The following EPB41L2 variants were observed in gnomAD, a reference collection of about 807,000 sequenced individuals.
EPB41L2 encodes erythrocyte membrane protein band 4.1 like 2, also known as band 4.1-like protein 2.
In EPB41L2, 43 loss-of-function variants were observed where a neutral mutation model predicts 113.0. The ratio of observed to expected loss-of-function variants is 0.38; its 90% CI spans 0.30 to 0.49. The LOEUF (loss-of-function observed/expected upper bound fraction) is 0.49, where lower values mean the gene tolerates loss of function less well. Among genes scored for constraint, EPB41L2 ranks in the 20% least tolerant of loss-of-function variants. EPB41L2 has a pLI of 0.95. For synonymous variants in EPB41L2, 442 were observed against 436.7 expected (o/e 1.01, Z -0.15); for missense variants, 1,147 against 1,223.4 (o/e 0.94, Z 0.93).
intron 3 of EPB41L2, among the ~76,000 whole-genome samples, chr6:130,951,017 T>TAAACCTAAATAATC (rs1391057327): frequency 4.6e-5 from 7 of 152,084 alleles, no homozygotes; most frequent in African/African-American, 1.7e-4. Context: ...AGTGATCATA[T>TAAACCTAAATAATC]AAACCTAAAT....
chr6:130,929,941 C>G (rs556706269), intron 3 of EPB41L2, among the ~76,000 whole-genome samples: 5 of 149,040 alleles, frequency 3.4e-5, no homozygotes, highest in Non-Finnish European at 5.9e-5. Flanking sequence ...GGAAAGACAG[C>G]GAGAAGGCAA....
chr6:130,955,305 C>T lies in EPB41L2; in HGVS notation c.505G>A (p.Val169Ile). The stretch of plus-strand genomic sequence containing the variant: ...ACCTTCTCTTCTCTCTCCTTACTTA[C>T]TAATTCAGTAGGCTGTTGAGGAAAA... ...SKVEMQPTELVSKEREEKVKE... is the reference protein window; with the variant it reads ...SKVEMQPTELISKEREEKVKE... Residue 169 changes from valine to isoleucine, a missense_variant, in exon 3 of 20, where the codon GTA (valine) becomes ATA (isoleucine). Coordinates refer to ENST00000337057, the MANE Select transcript of EPB41L2 (RefSeq NM_001431.4). 6.2e-7 allele frequency: 1 copy of T among 1,605,558 alleles called. No homozygotes were observed. The highest frequency in any genetic ancestry group is 1.1e-5 in the South Asian group (1 of 90,562).
intron 1 of EPB41L2, among the ~76,000 whole-genome samples, chr6:131,011,700 C>G (rs1787021662): frequency 6.6e-6 from 1 of 152,134 alleles, no homozygotes; most frequent in Non-Finnish European, 1.5e-5. Context: ...TCTCTCCCAC[C>G]CCAAGCCAAG....
intron 1 of EPB41L2, among the ~76,000 whole-genome samples, chr6:130,980,516 G>C (rs1779159340): frequency 6.6e-6 from 1 of 151,174 alleles, no homozygotes; most frequent in Non-Finnish European, 1.5e-5. Context: ...ATGGGAAATA[G>C]ACATCGGCTG....
intron 17 of EPB41L2, among the ~76,000 whole-genome samples, chr6:130,865,227 A>G (rs1452660251): frequency 6.6e-6 from 1 of 152,244 alleles, no homozygotes; most frequent in Non-Finnish European, 1.5e-5. Flanking sequence ...TGGTTTAATA[A>G]AAGTAGAAGC....
At chr6:130,928,112 T>C (rs1028600542) in intron 3 of EPB41L2, among the ~76,000 whole-genome samples, 1 of 151,916 alleles carries the variant, frequency 6.6e-6, no homozygotes, top group African/African-American at 2.4e-5. Context: ...ACATAAATAA[T>C]AAAAAATTTA....
At chr6:130,907,227 T>C (rs1583307884) in intron 5 of EPB41L2, among the ~76,000 whole-genome samples, 1 of 152,334 alleles carries the variant, frequency 6.6e-6, no homozygotes, top group Middle Eastern at 3.4e-3. Flanking sequence ...GTGTAAGAAC[T>C]AAGCATCCGT....
intron 14 of EPB41L2, chr6:130,876,880 C>T (rs879413820): frequency 4.2e-6 from 2 of 480,906 alleles, no homozygotes; most frequent in South Asian, 2.7e-5. Context: ...ATGACACACA[C>T]CAGGAGAAGT....
intron 12 of EPB41L2, chr6:130,883,154 C>T (rs1490499041): frequency 6.6e-6 from 1 of 152,480 alleles, no homozygotes; most frequent in African/African-American, 2.4e-5. Flanking sequence ...TGAAGGTGGG[C>T]ACATGGAAAC....
At chr6:130,967,696 C>T (rs985789329) in intron 1 of EPB41L2, among the ~76,000 whole-genome samples, 6 of 152,170 alleles carry the variant, frequency 3.9e-5, no homozygotes, top group African/African-American at 1.4e-4. Flanking sequence ...AAAGCACAAG[C>T]TTGTCATCAG....
intron 1 of EPB41L2, among the ~76,000 whole-genome samples, chr6:131,002,488 T>A (rs536382757): frequency 6.6e-6 from 1 of 152,280 alleles, no homozygotes; most frequent in South Asian, 2.1e-4. Context: ...TTAGAATAAA[T>A]GCCGTAAGTC....
At chr6:131,008,360 G>C (rs1047035502) in intron 1 of EPB41L2, among the ~76,000 whole-genome samples, 1 of 152,256 alleles carries the variant, frequency 6.6e-6, no homozygotes, top group Non-Finnish European at 1.5e-5. Context: ...TGAGGTTTGG[G>C]AACTTCCACC....
chr6:131,009,373 T>C (rs1786373075), intron 1 of EPB41L2, among the ~76,000 whole-genome samples: 1 of 152,132 alleles, frequency 6.6e-6, no homozygotes, highest in Non-Finnish European at 1.5e-5. Flanking sequence ...TCCTTATAAA[T>C]TACCCAGTCT....
chr6:130,858,354 A>T, intron 18 of EPB41L2, 111 bp from the exon 19 acceptor site: 1 of 724,158 alleles, frequency 1.4e-6, no homozygotes, highest in African/African-American at 1.8e-5. Context: ...GCCAAGAGGC[A>T]CTCACTTCTG....
At chr6:131,013,079 G>GTT (rs1315463632) in intron 1 of EPB41L2, among the ~76,000 whole-genome samples, 4 of 152,156 alleles carry the variant, frequency 2.6e-5, no homozygotes, top group African/African-American at 9.7e-5. Context: ...TGTAACCAAT[G>GTT]TAAGAACATG....
At chr6:130,871,040 C>A (rs1785495852) in intron 14 of EPB41L2, among the ~76,000 whole-genome samples, 1 of 152,096 alleles carries the variant, frequency 6.6e-6, no homozygotes, top group Admixed American at 6.5e-5. Context: ...TAAACTCAGT[C>A]AAGTTTATTA....
chr6:131,028,912 T>G (rs565660372), intron 1 of EPB41L2, among the ~76,000 whole-genome samples: 1 of 152,190 alleles, frequency 6.6e-6, no homozygotes, highest in Non-Finnish European at 1.5e-5. Flanking sequence ...CATGTATACA[T>G]ACAAATGCTA....
chr6:130,925,118 T>C (rs1002980373), intron 4 of EPB41L2, among the ~76,000 whole-genome samples: 1 of 151,904 alleles, frequency 6.6e-6, no homozygotes, highest in East Asian at 1.9e-4. Flanking sequence ...TATCCTACTA[T>C]CTAAATAAAT....
chr6:130,918,161 T>C (rs1221108186), intron 4 of EPB41L2, among the ~76,000 whole-genome samples: 1 of 152,202 alleles, frequency 6.6e-6, no homozygotes, highest in Non-Finnish European at 1.5e-5. Flanking sequence ...AGATTGAATG[T>C]AGAACTTTAT....
Sources: allele counts gnomAD v4.1 joint callset (sites outside exome capture counted in the v4.1 genomes callset), GRCh38; gene constraint gnomAD v4.1.1; transcripts MANE v1.5; gene names NCBI Gene and HGNC (gene_info 2026-07-23, HGNC 2026-07-21).